The following NELL2 variants were observed in gnomAD, a reference collection of about 807,000 sequenced individuals.
The protein encoded by NELL2 is neural EGFL like 2, also known as protein kinase C-binding protein NELL2.
A neutral mutation model predicts 109.6 loss-of-function variants in NELL2; 41 were observed. The ratio of observed to expected loss-of-function variants is 0.37; its 90% CI spans 0.29 to 0.49. NELL2 has a LOEUF of 0.49. Among genes scored for constraint, NELL2 ranks in the 20% least tolerant of loss-of-function variants. The pLI, the probability that NELL2 is intolerant of heterozygous loss-of-function variation, is 0.98. For missense variants in NELL2, 900 were observed against 1,008.3 expected (o/e 0.89, Z 1.45); for synonymous variants, 355 against 344.7 (o/e 1.03, Z -0.33).
intron 2 of NELL2, among the ~76,000 whole-genome samples, chr12:44,861,774 T>A (rs1410243664): frequency 2.0e-5 from 3 of 152,160 alleles, no homozygotes; most frequent in Non-Finnish European, 4.4e-5. Flanking sequence ...GCTAACCCAG[T>A]CACCAGGACA....
intron 3 of NELL2, among the ~76,000 whole-genome samples, chr12:44,815,000 C>T (rs1481928590): frequency 6.6e-6 from 1 of 152,164 alleles, no homozygotes; most frequent in Non-Finnish European, 1.5e-5. Flanking sequence ...CTATTATCCT[C>T]AATTTACAGA....
At chr12:44,744,528 G>T (rs1940207422) in intron 9 of NELL2, among the ~76,000 whole-genome samples, 1 of 152,054 alleles carries the variant, frequency 6.6e-6, no homozygotes, top group African/African-American at 2.4e-5. Context: ...TTTTTGAAAA[G>T]ATCAACAAAA....
intron 13 of NELL2, among the ~76,000 whole-genome samples, chr12:44,646,048 A>C (rs1947084311): frequency 6.6e-6 from 1 of 152,072 alleles, no homozygotes; most frequent in Non-Finnish European, 1.5e-5. Flanking sequence ...CATAGATTAT[A>C]AAGTCTGCAA....
chr12:44,611,435 T>C (rs1945618462), intron 13 of NELL2, among the ~76,000 whole-genome samples: 1 of 152,074 alleles, frequency 6.6e-6, no homozygotes. Context: ...CGTTAACACC[T>C]GCAGCCACAC....
At chr12:44,767,404 C>G (rs1438778905) in intron 9 of NELL2, among the ~76,000 whole-genome samples, 1 of 152,148 alleles carries the variant, frequency 6.6e-6, no homozygotes, top group Non-Finnish European at 1.5e-5. Flanking sequence ...GCACTTCCAC[C>G]TGGTGCTCCC....
At chr12:44,897,997 TG>T (rs1312138937) in intron 1 of NELL2, among the ~76,000 whole-genome samples, 1 of 152,182 alleles carries the variant, frequency 6.6e-6, no homozygotes, top group Non-Finnish European at 1.5e-5. Context: ...AACAAGCTGT[TG>T]GGAACTTCAG....
chr12:44,845,411 C>T (rs151330968), intron 2 of NELL2, among the ~76,000 whole-genome samples: 2 of 152,262 alleles, frequency 1.3e-5, no homozygotes, highest in African/African-American at 4.8e-5. Context: ...CGTACAGTGG[C>T]TAGATCAATC....
In NELL2 at chr12:44,599,960, G is replaced by GTTT. The variant is rs35401385; in HGVS notation, c.1663+7206_1663+7208dup. On this transcript the variant is annotated intron_variant, in intron 15 of 19. Coordinates refer to ENST00000429094, the MANE Select transcript of NELL2 (RefSeq NM_001145108.2). ...GTGCGTAGGGAAAACCTAGAATTCC[G>GTTT]TTTTTTTTTTTTTTTTTTTGAGATG... is the stretch of plus-strand genomic sequence containing the variant. Among the ~76,000 whole-genome samples, 119 of 111,258 alleles carry GTTT rather than the reference G, an allele frequency of 1.1e-3. 3 individuals carry two copies. Among genetic ancestry groups the GTTT allele is most frequent in the Non-Finnish European group, 1.6e-3 (88 of 55,480 alleles). The allele number at this position is 111,258 out of a possible 152,430, so 73.0% of individuals were successfully genotyped here. A position where few individuals can be genotyped will look rare whatever the true frequency, so the allele number is the denominator to read the frequency against.
intron 12 of NELL2, among the ~76,000 whole-genome samples, chr12:44,694,655 G>T (rs1949004286): frequency 1.3e-5 from 2 of 151,044 alleles, no homozygotes; most frequent in African/African-American, 4.9e-5. Flanking sequence ...CACAGAGAGT[G>T]CATCATTAAT....
At chr12:44,850,356 G>C (rs1333139413) in intron 2 of NELL2, among the ~76,000 whole-genome samples, 1 of 152,070 alleles carries the variant, frequency 6.6e-6, no homozygotes, top group South Asian at 2.1e-4. Flanking sequence ...AAATGAGATA[G>C]TGTTAGAGAT....
chr12:44,892,797 C>CAAAAAAA (rs57230571), intron 1 of NELL2, among the ~76,000 whole-genome samples: 3 of 57,760 alleles, frequency 5.2e-5, no homozygotes, highest in South Asian at 6.5e-4. Flanking sequence ...GACTCTGTCT[C>CAAAAAAA]AAAAAAAAAA....
At chr12:44,686,425 A>T (rs1202591373) in intron 12 of NELL2, among the ~76,000 whole-genome samples, 5 of 152,184 alleles carry the variant, frequency 3.3e-5, no homozygotes, top group Non-Finnish European at 4.4e-5. Flanking sequence ...CGTCAAAGTC[A>T]TTCTCCCTCC....
chr12:44,687,146 C>T (rs180739989), intron 12 of NELL2, among the ~76,000 whole-genome samples: 8 of 152,310 alleles, frequency 5.3e-5, no homozygotes, highest in South Asian at 4.1e-4. Flanking sequence ...GCGCAGTATT[C>T]GGGTGGGAGT....
At position 44,598,885 on chromosome 12, in the gene NELL2, T is replaced by TACACACACACACACA. The variant is rs1565994346; in HGVS notation, c.1663+8283_1663+8284insTGTGTGTGTGTGTGT. ...CACACACACACACACACACACACAC[T>TACACACACACACACA]CTCTCTCTCTCTCTCTCTCTCTCTC... On this transcript the variant is annotated intron_variant, in intron 15 of 19. Transcript: ENST00000429094. Among the ~76,000 whole-genome samples, 3 of 118,450 alleles carry TACACACACACACACA rather than the reference T, an allele frequency of 2.5e-5. No homozygotes were observed. In the East Asian group the frequency reaches 7.1e-4, roughly 28 times the overall value. 77.7% of individuals were successfully genotyped at this position (118,450 alleles called of 152,430 possible).
chr12:44,755,232 T>C (rs924305534), intron 9 of NELL2, among the ~76,000 whole-genome samples: 1 of 152,164 alleles, frequency 6.6e-6, no homozygotes, highest in African/African-American at 2.4e-5. Flanking sequence ...TTTACCACCA[T>C]GGATACTTCA....
chr12:44,627,019 G>A (rs1438624709), intron 13 of NELL2, among the ~76,000 whole-genome samples: 1 of 152,074 alleles, frequency 6.6e-6, no homozygotes, highest in Non-Finnish European at 1.5e-5. Flanking sequence ...ATCCCAGAAC[G>A]TGAAAGCTTA....
At chr12:44,842,324 A>C (rs759662239) in intron 2 of NELL2, among the ~76,000 whole-genome samples, 20 of 152,204 alleles carry the variant, frequency 1.3e-4, no homozygotes, top group Non-Finnish European at 2.8e-4. Flanking sequence ...ACAAACTACC[A>C]AATAAATTCA....
intron 18 of NELL2, among the ~76,000 whole-genome samples, chr12:44,520,483 C>CA (rs1198376145): frequency 1.3e-5 from 2 of 152,064 alleles, no homozygotes; most frequent in Non-Finnish European, 2.9e-5. Flanking sequence ...AAAACAAAAG[C>CA]AAAAATCACT....
chr12:44,776,323 T>C (rs114954757), intron 7 of NELL2, among the ~76,000 whole-genome samples, 173 bp from the exon 8 acceptor site: 2,192 of 152,308 alleles, frequency 0.014, 52 homozygotes, highest in African/African-American at 0.05. Flanking sequence ...AGAATGTTTT[T>C]TTCTCTCCTC....
Sources: gnomAD v4.1 joint callset for allele counts (sites outside exome capture counted in the v4.1 genomes callset) on GRCh38, gnomAD v4.1.1 for gene constraint, MANE v1.5 for transcripts, NCBI Gene and HGNC (gene_info 2026-07-23, HGNC 2026-07-21) for gene names.